PLEKHA5: variants seen among roughly 807,000 people sequenced by gnomAD.
PLEKHA5 encodes pleckstrin homology domain-containing family A member 5.
Under a neutral mutation model 181.9 loss-of-function variants are expected in PLEKHA5, and 55 were observed. The observed-to-expected ratio is 0.30, with a 90% confidence interval of 0.24 to 0.38. The LOEUF is 0.38. Ranked by LOEUF, PLEKHA5 falls within the 10% of genes least tolerant of loss-of-function variation. The pLI, the probability that PLEKHA5 is intolerant of heterozygous loss-of-function variation, is 1.00. For missense variants in PLEKHA5, 1,432 were observed against 1,549.5 expected, an observed-to-expected ratio of 0.92 and a Z score of 1.27; for synonymous variants, 535 against 529.4, an observed-to-expected ratio of 1.01 and a Z score of -0.15.
At chr12:19,172,394 A>G (rs73343100) in intron 3 of PLEKHA5, among the ~76,000 whole-genome samples, 14,725 of 152,200 alleles carry the variant, frequency 0.097, 898 homozygotes, top group African/African-American at 0.17. Flanking sequence ...TATATCTGGC[A>G]AAGAAATCAT....
chr12:19,250,633 C>G (rs2065029231), intron 3 of PLEKHA5, among the ~76,000 whole-genome samples: 4 of 151,920 alleles, frequency 2.6e-5, no homozygotes, highest in Admixed American at 2.0e-4. Flanking sequence ...GAATTTTATC[C>G]TTTTTATAAG....
At position 19,238,034 on chromosome 12, in the gene PLEKHA5, C is replaced by T. The variant is rs560644711; in HGVS notation, c.228-15906C>T. Among the ~76,000 whole-genome samples, 8 of 152,042 alleles carry T rather than the reference C, an allele frequency of 5.3e-5. No individual in the cohort carries two copies. In the South Asian group the frequency reaches 1.5e-3, roughly 28 times the overall value. The stretch of plus-strand genomic sequence containing the variant: ...TCGCATAATTGTTTTCTTGCATTTT[C>T]AGCAGCAGCATTGTGATTTCAAGGT... On this transcript the variant is annotated intron_variant, in intron 3 of 31. Coordinates refer to ENST00000429027, the MANE Select transcript of PLEKHA5 (RefSeq NM_001256470.2).
intron 25 of PLEKHA5, among the ~76,000 whole-genome samples, chr12:19,351,325 C>T (rs899120659): frequency 6.6e-6 from 1 of 151,874 alleles, no homozygotes; most frequent in Admixed American, 6.6e-5. Flanking sequence ...TTGCTTGAGT[C>T]CAGGAGTTCA....
At chr12:19,245,249 A>C (rs1203983151) in intron 3 of PLEKHA5, among the ~76,000 whole-genome samples, 1 of 152,202 alleles carries the variant, frequency 6.6e-6, no homozygotes, top group African/African-American at 2.4e-5. Flanking sequence ...GCTTTGTCTA[A>C]GAAAACAGAA....
chr12:19,269,758 AT>A lies in PLEKHA5; in HGVS notation c.712-8del. On this transcript the variant is annotated splice_polypyrimidine_tract_variant and intron_variant, in intron 8 of 31. Transcript: ENST00000429027. The stretch of plus-strand genomic sequence containing the variant: ...TATTTTTATTTAAAATGATCGTGTC[AT>A]TTTCAATCAGGCAGCCCATCCAAAC... 1.4e-6 allele frequency: 2 copies of A among 1,382,400 alleles called. No individual in the cohort carries two copies. The highest frequency in any genetic ancestry group is 2.0e-6 in the Non-Finnish European group (2 of 979,270). 85.6% of individuals were successfully genotyped at this position (1,382,400 alleles called of 1,614,324 possible).
chr12:19,354,390 T>C (rs2094801673), intron 26 of PLEKHA5, among the ~76,000 whole-genome samples: 1 of 148,930 alleles, frequency 6.7e-6, no homozygotes. Context: ...CCTGACCTCG[T>C]GATCTGCCCA....
At chr12:19,213,220 G>A (rs1203556772) in intron 3 of PLEKHA5, among the ~76,000 whole-genome samples, 1 of 152,204 alleles carries the variant, frequency 6.6e-6, no homozygotes, top group Non-Finnish European at 1.5e-5. Flanking sequence ...CCAAGGATAT[G>A]AGGGTGTGGG....
chr12:19,255,260 C>G (rs550703496), intron 5 of PLEKHA5, 95 bp downstream of exon 5: 4 of 673,464 alleles, frequency 5.9e-6, no homozygotes, highest in Non-Finnish European at 8.7e-6. Flanking sequence ...ATAATAATTA[C>G]ATTTTTATTA....
chr12:19,239,002 G>C (rs1467395937), intron 3 of PLEKHA5, among the ~76,000 whole-genome samples: 1 of 152,056 alleles, frequency 6.6e-6, no homozygotes, highest in Non-Finnish European at 1.5e-5. Flanking sequence ...ACTCTTCTTT[G>C]TTTGAAGTTT....
intron 8 of PLEKHA5, among the ~76,000 whole-genome samples, chr12:19,266,423 G>A (rs1437982348): frequency 6.6e-6 from 1 of 151,998 alleles, no homozygotes; most frequent in Non-Finnish European, 1.5e-5. Flanking sequence ...GGTCAAGGCT[G>A]TAGTGAGACA....
intron 20 of PLEKHA5, among the ~76,000 whole-genome samples, chr12:19,335,347 T>C (rs1221624070): frequency 1.3e-5 from 2 of 151,820 alleles, no homozygotes; most frequent in African/African-American, 4.8e-5. Flanking sequence ...ACCTAAATTT[T>C]CTAAAGTTAT....
intron 31 of PLEKHA5, 104 bp downstream of exon 31, chr12:19,369,902 A>C: frequency 1.9e-6 from 1 of 513,102 alleles, no homozygotes. Context: ...TGGACTGTAC[A>C]TAGGGATAGT....
At chr12:19,257,574 AT>A in intron 6 of PLEKHA5, 37 bp downstream of exon 6, 1 of 1,042,950 alleles carries the variant, frequency 9.6e-7, no homozygotes, top group Non-Finnish European at 1.5e-6. Flanking sequence ...AAAAGACAGA[AT>A]TAGAAGGAAC....
At position 19,253,994 on chromosome 12, in the gene PLEKHA5, G is replaced by T; in HGVS notation, c.282G>T (p.Gln94His). ...ATCCAGTCACAGGACAACCATCACA[G>T]GACAATTGTATTTTTGTAGTGAATG... ...CKHPVTGQPS[Q>H]DNCIFVVNEQ... The change falls in exon 4 of 32, where the codon CAG becomes CAT. Residue 94 changes from glutamine to histidine, a missense_variant. Transcript: ENST00000429027. The T allele has an allele frequency of 6.2e-7, 1 of 1,606,562 alleles. No individual in the cohort carries two copies. The highest frequency in any genetic ancestry group is 8.5e-7 in the Non-Finnish European group (1 of 1,175,474).
At chr12:19,348,548 T>C in intron 25 of PLEKHA5, 29 bp downstream of exon 25, 1 of 1,519,656 alleles carries the variant, frequency 6.6e-7, no homozygotes, top group East Asian at 2.4e-5. Context: ...TTTTACCTCT[T>C]GGTTTTTGTT....
Position 19,253,064 on chromosome 12 carries a change from CTTTTTT to C in PLEKHA5, c.228-855_228-850del, listed in dbSNP as rs35536570. Among the ~76,000 whole-genome samples the C allele has an allele frequency of 5.2e-3, 240 of 45,870 alleles. 4 individuals carry two copies. The highest frequency in any genetic ancestry group is 8.5e-3 in the African/African-American group (132 of 15,530). 30.1% of individuals were successfully genotyped at this position (45,870 alleles called of 152,430 possible). ...GAGCTAAACAGCCAAATCAACTTACCTTTTTTTTTTTTTTTTTTTTTTTTTTGGGAG... is the reference window on the plus strand; with the variant it reads ...GAGCTAAACAGCCAAATCAACTTACCTTTTTTTTTTTTTTTTTTTTGGGAG... On this transcript the variant is annotated intron_variant, in intron 3 of 31. Coordinates refer to ENST00000429027, the MANE Select transcript of PLEKHA5 (RefSeq NM_001256470.2).
intron 15 of PLEKHA5, among the ~76,000 whole-genome samples, chr12:19,309,377 T>C (rs1200159118): frequency 2.0e-5 from 3 of 152,030 alleles, no homozygotes; most frequent in Non-Finnish European, 4.4e-5. Flanking sequence ...AAAAAACTCA[T>C]CTCTTGCCCT....
intron 29 of PLEKHA5, among the ~76,000 whole-genome samples, chr12:19,363,498 T>G (rs1363167501): frequency 2.1e-5 from 3 of 146,158 alleles, no homozygotes; most frequent in Non-Finnish European, 4.6e-5. Context: ...CTAGCCTTCT[T>G]TTTTTTTTTT....
At chr12:19,145,184 G>A (rs2038569430) in intron 3 of PLEKHA5, among the ~76,000 whole-genome samples, 1 of 152,126 alleles carries the variant, frequency 6.6e-6, no homozygotes, top group African/African-American at 2.4e-5. Context: ...AGGGGAGTGT[G>A]TGTGTGTGAG....
Sources: gnomAD v4.1 joint callset for allele counts (sites outside exome capture counted in the v4.1 genomes callset) on GRCh38, gnomAD v4.1.1 for gene constraint, MANE v1.5 for transcripts, NCBI Gene and HGNC (gene_info 2026-07-23, HGNC 2026-07-21) for gene names.